TENM4: variants seen among roughly 807,000 people sequenced by gnomAD.
TENM4 encodes the protein teneurin transmembrane protein 4.
A neutral mutation model predicts 243.3 loss-of-function variants in TENM4; 82 were observed. The observed-to-expected ratio is 0.34, with a 90% CI of 0.28 to 0.40. The LOEUF (loss-of-function observed/expected upper bound fraction) is 0.40, where lower values mean the gene tolerates loss of function less well. Among genes scored for constraint, TENM4 ranks in the 10% least tolerant of loss-of-function variants. The pLI is 1.00. For missense variants in TENM4, 3,138 were observed against 3,673.3 expected, an observed-to-expected ratio of 0.85 and a Z score of 3.77; for synonymous variants, 1,412 against 1,456.3, an observed-to-expected ratio of 0.97 and a Z score of 0.69.
intron 1 of TENM4, among the ~76,000 whole-genome samples, chr11:79,304,582 T>A (rs1294897565): frequency 6.6e-6 from 1 of 152,214 alleles, no homozygotes; most frequent in Non-Finnish European, 1.5e-5. Context: ...CCTTTCTCCC[T>A]CCCTCTTGTT....
rs1370717289 is a variant in TENM4 at position 79,188,396 on chromosome 11, AACTC to A, written c.-163+27408_-163+27411del. ...TTTCAAGGGTTAATGCACAGTTGGA[AACTC>A]ACTCACAGACTCTGCAGGATTCATA... On this transcript the variant is annotated intron_variant, in intron 3 of 33. Coordinates refer to ENST00000278550, the MANE Select transcript of TENM4 (RefSeq NM_001098816.3). Among the ~76,000 whole-genome samples, 8 of 152,282 alleles carry A rather than the reference AACTC, an allele frequency of 5.3e-5. No individual in the cohort carries two copies. The East Asian group carries it at 9.7e-4, about 18-fold the overall frequency.
chr11:79,278,248 C>T (rs1054042044), intron 2 of TENM4, among the ~76,000 whole-genome samples: 1 of 152,122 alleles, frequency 6.6e-6, no homozygotes, highest in Admixed American at 6.5e-5. Context: ...GTTCACAAGG[C>T]CATTCACTGA....
chr11:78,786,723 G>A (rs749389081), intron 16 of TENM4, among the ~76,000 whole-genome samples, 175 bp downstream of exon 16: 1 of 152,186 alleles, frequency 6.6e-6, no homozygotes, highest in Non-Finnish European at 1.5e-5. Context: ...ATACCAAATC[G>A]TGAGTTTAAA....
intron 2 of TENM4, among the ~76,000 whole-genome samples, chr11:79,284,696 A>T (rs1856218094): frequency 6.6e-6 from 1 of 152,240 alleles, no homozygotes; most frequent in Non-Finnish European, 1.5e-5. Flanking sequence ...AAATGTAGAT[A>T]CATTGGACTC....
intron 2 of TENM4, among the ~76,000 whole-genome samples, chr11:79,260,431 T>C (rs972286977): frequency 6.6e-6 from 1 of 152,232 alleles, no homozygotes; most frequent in Non-Finnish European, 1.5e-5. Flanking sequence ...GCATATATTA[T>C]CTTACTTAGC....
At chr11:79,312,329 A>AT in intron 1 of TENM4, among the ~76,000 whole-genome samples, 1 of 152,326 alleles carries the variant, frequency 6.6e-6, no homozygotes, top group East Asian at 1.9e-4. Flanking sequence ...TTCAGTAAAT[A>AT]TTTGCCTGAT....
At chr11:79,068,170 A>G (rs1458875999) in intron 5 of TENM4, 1 of 152,266 alleles carries the variant, frequency 6.6e-6, no homozygotes, top group Non-Finnish European at 1.5e-5. Flanking sequence ...AGTGAGATCC[A>G]GAGATGACAA....
At chr11:78,996,801 G>A (rs779078809) in intron 6 of TENM4, among the ~76,000 whole-genome samples, 5 of 152,190 alleles carry the variant, frequency 3.3e-5, no homozygotes, top group Admixed American at 2.6e-4. Flanking sequence ...GTGATTAAGG[G>A]TTTGCAGCTT....
chr11:79,286,672 A>G (rs1259856385), intron 2 of TENM4, among the ~76,000 whole-genome samples: 1 of 152,114 alleles, frequency 6.6e-6, no homozygotes. Context: ...TCCGTCTCAA[A>G]AAAAAAATTT....
At position 79,408,345 on chromosome 11, in the gene TENM4, G is replaced by A. The variant is rs369611249; in HGVS notation, c.-321+32164C>T. 1.2e-3 allele frequency among the ~76,000 whole-genome samples: 190 copies of A among 152,326 alleles called. 2 individuals carry two copies. The highest frequency in any genetic ancestry group is 5.2e-3 in the South Asian group (25 of 4,826). On this transcript the variant is annotated intron_variant, in intron 1 of 33. Transcript: ENST00000278550. The stretch of plus-strand genomic sequence containing the variant: ...AGGTGAAGCTGATGCTGCTGGTCCG[G>A]AGACCACACTTAGAGAAACGCCAGG...
intron 3 of TENM4, among the ~76,000 whole-genome samples, chr11:79,210,078 A>T (rs2135212556): frequency 6.6e-6 from 1 of 152,336 alleles, no homozygotes; most frequent in South Asian, 2.1e-4. Flanking sequence ...ATATACTCTT[A>T]GCCTCATAAG....
At position 78,732,524 on chromosome 11, in the gene TENM4, GC is replaced by G; in HGVS notation, c.2929del (p.Ala977HisfsTer25). The G allele has an allele frequency of 6.2e-7, 1 of 1,613,126 alleles. No individual in the cohort carries two copies. The highest frequency in any genetic ancestry group is 8.5e-7 in the Non-Finnish European group (1 of 1,179,412). ...GISIILRFER[A>X]PFITQEHTLW... ...GGTGTGCTCCTGTGTGATGAAAGGT[GC>G]CCGCTCGAACCGCAGGATGATGGAG... On this transcript the variant is annotated frameshift_variant, in exon 21 of 34. Coordinates refer to ENST00000278550, the MANE Select transcript of TENM4 (RefSeq NM_001098816.3). LOFTEE classifies it high-confidence loss of function.
At chr11:78,685,089 A>C (rs1330776358) in intron 29 of TENM4, among the ~76,000 whole-genome samples, 2 of 152,146 alleles carry the variant, frequency 1.3e-5, no homozygotes, top group Non-Finnish European at 2.9e-5. Context: ...ATCTGCCTCA[A>C]ACTTGCTATG....
At chr11:78,952,400 G>A (rs554311365) in intron 6 of TENM4, among the ~76,000 whole-genome samples, 19 of 152,308 alleles carry the variant, frequency 1.2e-4, no homozygotes, top group Admixed American at 2.6e-4. Context: ...TGCCAGCAGC[G>A]GGAAACCCAG....
intron 2 of TENM4, among the ~76,000 whole-genome samples, chr11:79,246,128 G>A (rs1249770225): frequency 6.6e-6 from 1 of 152,100 alleles, no homozygotes; most frequent in African/African-American, 2.4e-5. Flanking sequence ...GAGGGGGCCA[G>A]AAGCATGGCC....
At chr11:78,709,134 A>ATTTTTT (rs372114866) in intron 26 of TENM4, among the ~76,000 whole-genome samples, 6,596 of 125,924 alleles carry the variant, frequency 0.052, 442 homozygotes, top group African/African-American at 0.16. Flanking sequence ...TGCCTGGCTA[A>ATTTTTT]TTTTTTTTTT....
chr11:79,243,357 G>A (rs1025724564), intron 2 of TENM4, among the ~76,000 whole-genome samples: 5 of 152,002 alleles, frequency 3.3e-5, no homozygotes, highest in Non-Finnish European at 5.9e-5. Flanking sequence ...TGGATTTTGC[G>A]GTCCATTTTG....
At chr11:78,854,627 T>C (rs1034857288) in intron 11 of TENM4, among the ~76,000 whole-genome samples, 4 of 152,178 alleles carry the variant, frequency 2.6e-5, no homozygotes, top group African/African-American at 9.7e-5. Flanking sequence ...AGGACAACCA[T>C]GCTTTTTTGC....
intron 4 of TENM4, among the ~76,000 whole-genome samples, chr11:79,086,152 G>A (rs1402462768): frequency 1.3e-5 from 2 of 152,202 alleles, no homozygotes; most frequent in African/African-American, 2.4e-5. Context: ...TGGCCAGTGG[G>A]CCAAGCGGAT....
Sources: gnomAD v4.1 joint callset for allele counts (sites outside exome capture counted in the v4.1 genomes callset) on GRCh38, gnomAD v4.1.1 for gene constraint, MANE v1.5 for transcripts, NCBI Gene and HGNC (gene_info 2026-07-23, HGNC 2026-07-21) for gene names.